The following TP53AIP1 variants were observed in gnomAD, a reference collection of about 807,000 sequenced individuals.
TP53AIP1 encodes the protein tumor protein p53 regulated apoptosis inducing protein 1.
In TP53AIP1, 14 loss-of-function variants were observed where a neutral mutation model predicts 9.5. The ratio of observed to expected loss-of-function variants is 1.47; its 90% CI spans 0.97 to 2.30. TP53AIP1 has a LOEUF of 2.30. Ranked by LOEUF, TP53AIP1 falls within the 30% of genes most tolerant of loss-of-function variation. The pLI is 0.00. For synonymous variants in TP53AIP1, 73 were observed against 61.2 expected, an observed-to-expected ratio of 1.19 and a Z score of -0.90; for missense variants, 153 against 146.7, an observed-to-expected ratio of 1.04 and a Z score of -0.22.
chr11:128,937,981 T>C lies in TP53AIP1; in HGVS notation c.-76-87A>G. 1 of 814,790 alleles carries C rather than the reference T, an allele frequency of 1.2e-6. No individual in the cohort carries two copies. The highest frequency in any genetic ancestry group is 1.9e-6 in the Non-Finnish European group (1 of 534,200). The allele number at this position is 814,790 out of a possible 1,614,324, so 50.5% of individuals were successfully genotyped here. Reference sequence around the variant, plus strand: ...ATGATTTCTACTGTTAGGGTTTCAGTTGTACTTGGATCTGGGAGGGGGAAG... The same window carrying C: ...ATGATTTCTACTGTTAGGGTTTCAGCTGTACTTGGATCTGGGAGGGGGAAG... On this transcript the variant is annotated intron_variant, in intron 1 of 3. Coordinates refer to ENST00000531399, the MANE Select transcript of TP53AIP1 (RefSeq NM_022112.3). The surrounding 1 kb of genome is among the most constrained non-coding windows in gnomAD (Gnocchi z 4.8).
In TP53AIP1 at chr11:128,936,380, C is replaced by A. The variant is rs1169656331; in HGVS notation, c.253+158G>T. ...AATAAAATACATCCACAGCAGTTTA[C>A]AACTCTGCCATGATGTCATTTTGTC... On this transcript the variant is annotated intron_variant, in intron 3 of 3. Coordinates refer to ENST00000531399, the MANE Select transcript of TP53AIP1 (RefSeq NM_022112.3). The A allele has an allele frequency of 2.1e-6, 3 of 1,414,236 alleles. No individual in the cohort carries two copies. The East Asian group carries it at 7.7e-5, about 36-fold the overall frequency. 87.6% of individuals were successfully genotyped at this position (1,414,236 alleles called of 1,614,324 possible).
At chr11:128,941,146 G>A (rs1407150942) in intron 1 of TP53AIP1, among the ~76,000 whole-genome samples, 4 of 152,178 alleles carry the variant, frequency 2.6e-5, no homozygotes, top group Non-Finnish European at 4.4e-5. Flanking sequence ...CTGAGGAAAT[G>A]GGACTTGCTC....
chr11:128,937,281 C>T lies in TP53AIP1; in HGVS notation c.141+397G>A, dbSNP rs916799695. ...CGGGGTGGACGCAGAAGAGCAGGCC[C>T]GGAGCCCTGCACCCCAGCCTTCCCT... is the stretch of plus-strand genomic sequence containing the variant. On this transcript the variant is annotated intron_variant, in intron 2 of 3. Coordinates refer to ENST00000531399, the MANE Select transcript of TP53AIP1 (RefSeq NM_022112.3). The surrounding 1 kb of genome is among the most constrained non-coding windows in gnomAD (Gnocchi z 4.8). The T allele has an allele frequency of 3.7e-5, 49 of 1,338,470 alleles. No individual in the cohort carries two copies. Among genetic ancestry groups the T allele is most frequent in the South Asian group, 2.2e-4 (10 of 46,486 alleles). The allele number at this position is 1,338,470 out of a possible 1,614,324, so 82.9% of individuals were successfully genotyped here.
rs1458574689 is a variant in TP53AIP1, at chr11:128,937,353, TCTCA to T, written c.141+321_141+324del. On this transcript the variant is annotated intron_variant, in intron 2 of 3. Transcript: ENST00000531399. The surrounding 1 kb of genome is among the most constrained non-coding windows in gnomAD (Gnocchi z 4.8). ...CCTTTGTTCAGCCTCTCCATTTAGC[TCTCA>T]CTTTCTGGATGCAGCCAGGCACCAC... The T allele has an allele frequency of 3.5e-6, 5 of 1,422,430 alleles. No individual in the cohort carries two copies. The highest frequency in any genetic ancestry group is 4.6e-6 in the Non-Finnish European group (5 of 1,092,562). 88.1% of individuals were successfully genotyped at this position (1,422,430 alleles called of 1,614,324 possible).
chr11:128,935,241 C>T (rs908915776), downstream of TP53AIP1: 4 of 1,405,328 alleles, frequency 2.8e-6, no homozygotes, highest in South Asian at 1.5e-5. Context: ...ACTGGGAGTG[C>T]CCTCGGGCGT....
At position 128,937,931 on chromosome 11, in the gene TP53AIP1, T is replaced by A; in HGVS notation, c.-76-37A>T. ...CAAAACAGGCTATGAACAGAAGCAGTGGTGGCAGCGCTGGGCCAGCAATGA... is the reference window on the plus strand; with the variant it reads ...CAAAACAGGCTATGAACAGAAGCAGAGGTGGCAGCGCTGGGCCAGCAATGA... On this transcript the variant is annotated intron_variant, in intron 1 of 3. Transcript: ENST00000531399. This position sits in a 1 kb window ranked among gnomAD's most constrained non-coding sequence, Gnocchi z 4.8. The A allele has an allele frequency of 8.7e-7, 1 of 1,153,870 alleles. No individual in the cohort carries two copies. Among genetic ancestry groups the A allele is most frequent in the Non-Finnish European group, 1.2e-6 (1 of 831,352 alleles). 71.5% of individuals were successfully genotyped at this position (1,153,870 alleles called of 1,614,324 possible). A position where few individuals can be genotyped will look rare whatever the true frequency, so the allele number is the denominator to read the frequency against.
At chr11:128,938,958 C>A (rs1319238012) in intron 1 of TP53AIP1, among the ~76,000 whole-genome samples, 1 of 152,150 alleles carries the variant, frequency 6.6e-6, no homozygotes, top group Non-Finnish European at 1.5e-5. Flanking sequence ...CGCTTCCCAC[C>A]CTCCCCATTC....
chr11:128,936,538 C>G lies in TP53AIP1; in HGVS notation c.253G>C (p.Gly85Arg). The part of the protein sequence containing the change: ...WSSATVWILT[G>R]LGLGLSRPFL... ...AATTCACTAAGTAATTATCACACAC[C>G]TGTCAGGATCCAGACAGTTGCTGAG... is the stretch of plus-strand genomic sequence containing the variant. The change falls in exon 3 of 4, where the codon GGC becomes CGC. Residue 85 changes from glycine to arginine, a missense_variant and splice_region_variant. Transcript: ENST00000531399. The G allele has an allele frequency of 1.3e-6, 2 of 1,564,380 alleles. No homozygotes were observed. Among genetic ancestry groups the G allele is most frequent in the Non-Finnish European group, 1.7e-6 (2 of 1,162,888 alleles).
chr11:128,936,601 C>A lies in TP53AIP1; in HGVS notation c.190G>T (p.Gly64Ter). The A allele has an allele frequency of 6.3e-7, 1 of 1,589,030 alleles. No individual in the cohort carries two copies. The highest frequency in any genetic ancestry group is 8.5e-7 in the Non-Finnish European group (1 of 1,175,668). Residue 64 changes from glycine (G) to a stop codon, truncating the protein, a stop_gained, in exon 3 of 4, where the codon GGA (glycine) becomes TGA (stop). Coordinates refer to ENST00000531399, the MANE Select transcript of TP53AIP1 (RefSeq NM_022112.3). LOFTEE classifies it high-confidence loss of function. ...LGAQVHGGCR[G>*]IEALSVSSGS... ...GACGAGACTGACAGAGCTTCTATTC[C>A]CCGGCACCCTCCGTGAACTTGGGCA...
At chr11:128,935,917 A>G (rs1441584631) in intron 3 of TP53AIP1, 3 of 1,307,128 alleles carry the variant, frequency 2.3e-6, no homozygotes, top group Non-Finnish European at 2.9e-6. Context: ...CAAATGGGCC[A>G]ACAAAAATGT....
At chr11:128,938,052 G>A (rs1253820712) in intron 1 of TP53AIP1, among the ~76,000 whole-genome samples, 158 bp from the exon 2 acceptor site, 1 of 152,188 alleles carries the variant, frequency 6.6e-6, no homozygotes, top group Non-Finnish European at 1.5e-5. Context: ...CCACACACCT[G>A]AGGAGATGCT....
Position 128,939,202 on chromosome 11 carries a change from G to C in TP53AIP1, c.-76-1308C>G, listed in dbSNP as rs1365567185. ...AGCCCAAAGGTCACGTTCTTTCCCT[G>C]CGGCTCCCTTCCCCATCTGGTTCTG... On this transcript the variant is annotated intron_variant, in intron 1 of 3. Coordinates refer to ENST00000531399, the MANE Select transcript of TP53AIP1 (RefSeq NM_022112.3). This position sits in a 1 kb window ranked among gnomAD's most constrained non-coding sequence, Gnocchi z 4.1. Among the ~76,000 whole-genome samples, 1 of 152,148 alleles carries C rather than the reference G, an allele frequency of 6.6e-6. No individual in the cohort carries two copies. The highest frequency in any genetic ancestry group is 1.5e-5 in the Non-Finnish European group (1 of 68,022).
rs1250095118 is a variant in TP53AIP1 at position 128,937,135 on chromosome 11, C to T, written c.142-486G>A. ...GGGATGAATGCATGGCCCCTGCATC[C>T]TTACCCCCTCCTCAGAGCCCACAAG... is the stretch of plus-strand genomic sequence containing the variant. On this transcript the variant is annotated intron_variant, in intron 2 of 3. Transcript: ENST00000531399. This position sits in a 1 kb window ranked among gnomAD's most constrained non-coding sequence, Gnocchi z 4.8. The T allele has an allele frequency of 9.3e-7, 1 of 1,078,188 alleles. No individual in the cohort carries two copies. Among genetic ancestry groups the T allele is most frequent in the East Asian group, 6.9e-5 (1 of 14,508 alleles). The allele number at this position is 1,078,188 out of a possible 1,614,324, so 66.8% of individuals were successfully genotyped here. A position where few individuals can be genotyped will look rare whatever the true frequency, so the allele number is the denominator to read the frequency against.
In TP53AIP1 at chr11:128,937,279, C is replaced by A; in HGVS notation, c.141+399G>T. 2.2e-6 allele frequency: 3 copies of A among 1,335,800 alleles called. No individual in the cohort carries two copies. The highest frequency in any genetic ancestry group is 2.9e-6 in the Non-Finnish European group (3 of 1,046,466). 82.7% of individuals were successfully genotyped at this position (1,335,800 alleles called of 1,614,324 possible). On this transcript the variant is annotated intron_variant, in intron 2 of 3. Transcript: ENST00000531399. The surrounding 1 kb of genome is among the most constrained non-coding windows in gnomAD (Gnocchi z 4.8). ...TCCGGGGTGGACGCAGAAGAGCAGG[C>A]CCGGAGCCCTGCACCCCAGCCTTCC... is the stretch of plus-strand genomic sequence containing the variant.
Position 128,937,753 on chromosome 11 carries a change from C to T in TP53AIP1, c.66G>A (p.Gln22=). Residue 22 remains glutamine, a synonymous_variant, in exon 2 of 4, where the codon CAG becomes CAA. Transcript: ENST00000531399. The surrounding 1 kb of genome is among the most constrained non-coding windows in gnomAD (Gnocchi z 4.8). ...GGTTCTGGTCTCCCCTGCCCAGGCC[C>T]TGCCTCCTGGCCCCACTGCAGGAAG... ...AQASCSGARR[Q]GLGRGDQNLS... The T allele has an allele frequency of 6.2e-7, 1 of 1,613,890 alleles. No homozygotes were observed. The highest frequency in any genetic ancestry group is 8.5e-7 in the Non-Finnish European group (1 of 1,179,842).
At chr11:128,936,038 T>A in intron 3 of TP53AIP1, 2 of 785,542 alleles carry the variant, frequency 2.5e-6, no homozygotes, top group East Asian at 8.5e-5. Flanking sequence ...ACACAGTGAA[T>A]CTGTGAGATG....
downstream of TP53AIP1, chr11:128,935,332 A>G (rs1224034318): frequency 4.2e-6 from 6 of 1,417,660 alleles, no homozygotes; most frequent in Non-Finnish European, 4.6e-6. Flanking sequence ...GTTTTTAGCA[A>G]GTGGATATTA....
Position 128,941,778 on chromosome 11 carries a change from G to T in TP53AIP1, c.-77+1016C>A, listed in dbSNP as rs182995766. On this transcript the variant is annotated intron_variant, in intron 1 of 3. Coordinates refer to ENST00000531399, the MANE Select transcript of TP53AIP1 (RefSeq NM_022112.3). The stretch of plus-strand genomic sequence containing the variant: ...GCTTCCTTGTACCAGGACTTGGTCT[G>T]CTGGGACCCAGTGGAAAGCCCACGG... 1.3e-3 allele frequency among the ~76,000 whole-genome samples: 202 copies of T among 152,334 alleles called. 3 individuals carry two copies. Among genetic ancestry groups the T allele is most frequent in the African/African-American group, 4.6e-3 (191 of 41,566 alleles).
chr11:128,942,626 A>C (rs956809834), intron 1 of TP53AIP1, among the ~76,000 whole-genome samples, 168 bp downstream of exon 1: 1 of 152,190 alleles, frequency 6.6e-6, no homozygotes, highest in Non-Finnish European at 1.5e-5. Context: ...GAGAGAGAGC[A>C]GTTTAGCTGA....
Sources: gnomAD v4.1 joint callset for allele counts (sites outside exome capture counted in the v4.1 genomes callset) on GRCh38, gnomAD v4.1.1 for gene constraint, Gnocchi (gnomAD v3.1) non-coding constraint, MANE v1.5 for transcripts, NCBI Gene and HGNC (gene_info 2026-07-23, HGNC 2026-07-21) for gene names.